FHIT: variants seen among roughly 807,000 people sequenced by gnomAD.
FHIT encodes fragile histidine triad diadenosine triphosphatase, also known as bis(5'-adenosyl)-triphosphatase.
A neutral mutation model predicts 17.9 loss-of-function variants in FHIT; 19 were observed. The observed-to-expected ratio is 1.06, with a 90% CI of 0.74 to 1.56. FHIT has a LOEUF of 1.56. FHIT is among the 40% of genes most tolerant of loss of function. FHIT has a pLI of 0.00. For missense variants in FHIT, 248 were observed against 189.2 expected, an observed-to-expected ratio of 1.31 and a Z score of -1.82; for synonymous variants, 81 against 69.7, an observed-to-expected ratio of 1.16 and a Z score of -0.81.
At chr3:60,567,870 C>G (rs1342332114) in intron 4 of FHIT, among the ~76,000 whole-genome samples, 3 of 152,212 alleles carry the variant, frequency 2.0e-5, no homozygotes, top group African/African-American at 7.2e-5. Context: ...CTCATCATCA[C>G]TGGCCATCAG....
intron 5 of FHIT, among the ~76,000 whole-genome samples, chr3:60,201,389 C>T (rs1158052674): frequency 6.6e-6 from 1 of 152,062 alleles, no homozygotes; most frequent in Non-Finnish European, 1.5e-5. Context: ...CTATACTGCC[C>T]AGGCTGGCCT....
chr3:60,167,610 C>T (rs1040820687), intron 5 of FHIT, among the ~76,000 whole-genome samples: 1 of 152,206 alleles, frequency 6.6e-6, no homozygotes, highest in African/African-American at 2.4e-5. Context: ...CAACTATGTT[C>T]TGATATCTGT....
At chr3:60,172,438 TA>T (rs1163694318) in intron 5 of FHIT, among the ~76,000 whole-genome samples, 1 of 148,434 alleles carries the variant, frequency 6.7e-6, no homozygotes, top group Admixed American at 6.6e-5. Context: ...GCTAATTTTG[TA>T]TTTTTTTTTT....
intron 4 of FHIT, among the ~76,000 whole-genome samples, chr3:60,623,808 A>C (rs1303724832): frequency 2.6e-5 from 4 of 152,196 alleles, no homozygotes; most frequent in African/African-American, 9.6e-5. Flanking sequence ...CTATTTGCCC[A>C]ACCCGATTTG....
intron 3 of FHIT, among the ~76,000 whole-genome samples, chr3:60,864,150 A>G (rs1553753335): frequency 6.6e-6 from 1 of 152,112 alleles, no homozygotes; most frequent in Admixed American, 6.6e-5. Context: ...ACAGCATGGG[A>G]AAAACCTGCC....
chr3:61,090,520 G>A (rs2035448258), intron 2 of FHIT, among the ~76,000 whole-genome samples: 1 of 152,168 alleles, frequency 6.6e-6, no homozygotes, highest in Non-Finnish European at 1.5e-5. Flanking sequence ...CTTTGCTTTA[G>A]AGATGTTTAT....
In FHIT at chr3:60,260,631, T is replaced by G. The variant is rs563519663; in HGVS notation, c.104-246479A>C. ...TTTTTCTTGTATCTGTCAGAGGTGT[T>G]TGAACCAGAGCAACTCTATCTTGAA... On this transcript the variant is annotated intron_variant, in intron 5 of 9. Coordinates refer to ENST00000492590, the MANE Select transcript of FHIT (RefSeq NM_002012.4). Among the ~76,000 whole-genome samples, 10 of 152,150 alleles carry G rather than the reference T, an allele frequency of 6.6e-5. No homozygotes were observed. In the South Asian group the frequency reaches 2.1e-3, roughly 32 times the overall value.
intron 3 of FHIT, among the ~76,000 whole-genome samples, chr3:60,935,935 T>C (rs1285767716): frequency 2.6e-5 from 4 of 152,194 alleles, no homozygotes; most frequent in African/African-American, 9.7e-5. Flanking sequence ...CACTGAATCA[T>C]CAATGCGTGG....
At chr3:59,943,664 C>T (rs551437706) in intron 7 of FHIT, among the ~76,000 whole-genome samples, 109 of 152,302 alleles carry the variant, frequency 7.2e-4, no homozygotes, top group African/African-American at 2.5e-3. Flanking sequence ...GTACCAAGAA[C>T]AGCCTTGGAG....
At chr3:61,234,561 C>T (rs958566437) in intron 1 of FHIT, among the ~76,000 whole-genome samples, 4 of 151,832 alleles carry the variant, frequency 2.6e-5, no homozygotes, top group African/African-American at 7.3e-5. Flanking sequence ...AATATGCATG[C>T]AATAAAAACA....
chr3:60,377,196 C>T (rs923928563), intron 5 of FHIT, among the ~76,000 whole-genome samples: 7 of 144,834 alleles, frequency 4.8e-5, no homozygotes. Context: ...ACAGAGAAAG[C>T]CATTAAGCTT....
intron 7 of FHIT, among the ~76,000 whole-genome samples, chr3:59,984,525 T>G (rs1708807322): frequency 6.6e-6 from 1 of 151,972 alleles, no homozygotes; most frequent in African/African-American, 2.4e-5. Flanking sequence ...AAGTCAATAA[T>G]TCCTGACACT....
chr3:60,729,339 A>G (rs1305142536), intron 4 of FHIT, among the ~76,000 whole-genome samples: 1 of 152,042 alleles, frequency 6.6e-6, no homozygotes, highest in Non-Finnish European at 1.5e-5. Flanking sequence ...TTTAACAGAG[A>G]CTCCTTAGAA....
At chr3:59,755,659 G>A (rs984262699) in intron 8 of FHIT, among the ~76,000 whole-genome samples, 6 of 152,116 alleles carry the variant, frequency 3.9e-5, no homozygotes, top group Admixed American at 1.3e-4. Flanking sequence ...CCTAGCACTG[G>A]AACACTGAAC....
At chr3:60,400,847 A>T (rs1485997348) in intron 5 of FHIT, among the ~76,000 whole-genome samples, 1 of 152,176 alleles carries the variant, frequency 6.6e-6, no homozygotes, top group East Asian at 1.9e-4. Context: ...CAAAGTCTCT[A>T]AAAAACAAAA....
chr3:61,250,807 A>C (rs902013474), intron 1 of FHIT, among the ~76,000 whole-genome samples: 2 of 152,228 alleles, frequency 1.3e-5, no homozygotes, highest in Admixed American at 1.3e-4. Flanking sequence ...TTTTTGAAGT[A>C]GTAATGTAAA....
chr3:60,028,176 A>C (rs918683388), intron 5 of FHIT, among the ~76,000 whole-genome samples: 1 of 152,102 alleles, frequency 6.6e-6, no homozygotes, highest in African/African-American at 2.4e-5. Flanking sequence ...GTTCCTGAAG[A>C]AACTAGAAAT....
In FHIT at chr3:60,578,487, C is replaced by T. The variant is rs556070715; in HGVS notation, c.-17-41508G>A. On this transcript the variant is annotated intron_variant, in intron 4 of 9. Coordinates refer to ENST00000492590, the MANE Select transcript of FHIT (RefSeq NM_002012.4). ...CACACACACACACACGATAAATATT[C>T]ACATCATCTGCCTTTGGTTATTCAA... Among the ~76,000 whole-genome samples the T allele has an allele frequency of 7.8e-5, 11 of 140,724 alleles. No homozygotes were observed. In the South Asian group the frequency reaches 9.4e-4, roughly 12 times the overall value. 92.3% of individuals were successfully genotyped at this position (140,724 alleles called of 152,430 possible).
Position 61,070,862 on chromosome 3 carries a change from G to C in FHIT, c.-163-28763C>G, listed in dbSNP as rs147918175. Among the ~76,000 whole-genome samples the C allele has an allele frequency of 3.2e-3, 481 of 152,274 alleles. 4 individuals carry two copies. The highest frequency in any genetic ancestry group is 0.011 in the African/African-American group (444 of 41,554). ...GATGCTGTTTATCTTGGCTGCAAGA[G>C]AGTGAATTATTGGCATATTCAGACA... On this transcript the variant is annotated intron_variant, in intron 2 of 9. Coordinates refer to ENST00000492590, the MANE Select transcript of FHIT (RefSeq NM_002012.4).
Sources: gnomAD v4.1 joint callset for allele counts (sites outside exome capture counted in the v4.1 genomes callset) on GRCh38, gnomAD v4.1.1 for gene constraint, MANE v1.5 for transcripts, NCBI Gene and HGNC (gene_info 2026-07-23, HGNC 2026-07-21) for gene names.